The following ATOSA variants were observed in gnomAD, a reference collection of about 807,000 sequenced individuals.
ATOSA encodes atos homolog A.
chr15:52,709,775 G>A, the ATOSA span: 1 of 152,460 alleles, frequency 6.6e-6, no homozygotes, highest in African/African-American at 2.4e-5. Flanking sequence ...ACACAGAAGA[G>A]GGAGATGATC....
chr15:52,608,350 C>T, the ATOSA span, among the ~76,000 whole-genome samples: 1 of 152,154 alleles, frequency 6.6e-6, no homozygotes, highest in Non-Finnish European at 1.5e-5. Flanking sequence ...TTTTAAACAG[C>T]ATGATCTTTA....
chr15:52,678,039 G>C, the ATOSA span: 1 of 1,613,902 alleles, frequency 6.2e-7, no homozygotes, highest in Non-Finnish European at 8.5e-7. Flanking sequence ...TCCAATTTTC[G>C]CCCAGAGTGC....
chr15:52,662,529 G>T, the ATOSA span, among the ~76,000 whole-genome samples: 1 of 152,264 alleles, frequency 6.6e-6, no homozygotes, highest in Admixed American at 6.5e-5. Context: ...CCAGCACTTT[G>T]GGAGGCCAAG....
chr15:52,650,843 G>A, the ATOSA span, among the ~76,000 whole-genome samples: 11 of 152,246 alleles, frequency 7.2e-5, no homozygotes, highest in South Asian at 2.1e-4. Flanking sequence ...CGGATCCTTC[G>A]TAAAATGGGC....
chr15:52,658,722 T>G, the ATOSA span: 1 of 380,344 alleles, frequency 2.6e-6, no homozygotes, highest in Non-Finnish European at 4.5e-6. Flanking sequence ...TTCCAGACTT[T>G]AGGAGGCTGA....
chr15:52,625,598 GGTTT>G, the ATOSA span, among the ~76,000 whole-genome samples: 1 of 151,932 alleles, frequency 6.6e-6, no homozygotes, highest in Admixed American at 6.6e-5. Context: ...ACTTGAGTGT[GGTTT>G]GTTTAAATTC....
chr15:52,588,393 C>T, the ATOSA span, among the ~76,000 whole-genome samples: 1 of 152,040 alleles, frequency 6.6e-6, no homozygotes. Flanking sequence ...GATCAATAAC[C>T]AGGATAACCA....
At chr15:52,584,706 G>T in the ATOSA span, 3 of 1,542,382 alleles carry the variant, frequency 1.9e-6, no homozygotes, top group South Asian at 1.2e-5. Flanking sequence ...TTTTAGAGTT[G>T]TTCTAAAGTA....
At chr15:52,627,279 T>G in the ATOSA span, among the ~76,000 whole-genome samples, 9 of 152,294 alleles carry the variant, frequency 5.9e-5, no homozygotes, top group Admixed American at 3.3e-4. Context: ...CATTTTTCAA[T>G]GAAGAAACTG....
At chr15:52,587,617 G>A in the ATOSA span, 3 of 153,266 alleles carry the variant, frequency 2.0e-5, no homozygotes, top group South Asian at 2.1e-4. Context: ...GTGTAGGAAA[G>A]TAAGCCTTGG....
At chr15:52,647,904 T>C in the ATOSA span, among the ~76,000 whole-genome samples, 35 of 152,306 alleles carry the variant, frequency 2.3e-4, no homozygotes, top group Admixed American at 1.6e-3. Context: ...TCTTCAGATA[T>C]TTAGCCATGC....
chr15:52,661,051 T>C, the ATOSA span, among the ~76,000 whole-genome samples: 3 of 152,224 alleles, frequency 2.0e-5, no homozygotes, highest in African/African-American at 7.2e-5. Flanking sequence ...TTTTTACACA[T>C]TGAAACTAAA....
chr15:52,679,075 C>T, the ATOSA span: 1 of 152,698 alleles, frequency 6.5e-6, no homozygotes, highest in African/African-American at 2.4e-5. Flanking sequence ...GCAGCGGCCC[C>T]CGCGGCTGCC....
the ATOSA span, among the ~76,000 whole-genome samples, chr15:52,601,691 A>T: frequency 9.2e-5 from 14 of 152,202 alleles, no homozygotes; most frequent in Non-Finnish European, 1.3e-4. Context: ...TTCAACCATC[A>T]CTGTATACCA....
At chr15:52,634,054 C>T in the ATOSA span, among the ~76,000 whole-genome samples, 1 of 151,564 alleles carries the variant, frequency 6.6e-6, no homozygotes, top group Non-Finnish European at 1.5e-5. Flanking sequence ...TAGTAAAAAA[C>T]AAAACAAAAC....
At chr15:52,605,573 G>A in the ATOSA span, among the ~76,000 whole-genome samples, 3 of 152,030 alleles carry the variant, frequency 2.0e-5, no homozygotes, top group African/African-American at 2.4e-5. Context: ...TGGGATTTTC[G>A]AACATTTCAA....
chr15:52,658,935 C>T, the ATOSA span: 3 of 394,856 alleles, frequency 7.6e-6, no homozygotes, highest in African/African-American at 4.1e-5. Context: ...CAGTGAGCCA[C>T]GATTAAGCCA....
chr15:52,652,813 T>G, the ATOSA span, among the ~76,000 whole-genome samples: 13 of 152,314 alleles, frequency 8.5e-5, no homozygotes, highest in East Asian at 2.5e-3. Flanking sequence ...TACCCAGAGA[T>G]ATAGAAGTAT....
the ATOSA span, among the ~76,000 whole-genome samples, chr15:52,691,882 C>T: frequency 0.12 from 18,637 of 151,622 alleles, 1,370 homozygotes; most frequent in East Asian, 0.27. Flanking sequence ...AATTGAAAAA[C>T]GAGTCAAAGA....
Sources: gnomAD v4.1 joint callset for allele counts (sites outside exome capture counted in the v4.1 genomes callset) on GRCh38, gnomAD v4.1.1 for gene constraint, MANE v1.5 for transcripts, NCBI Gene and HGNC (gene_info 2026-07-23, HGNC 2026-07-21) for gene names.